The following CC2D2B variants were observed in gnomAD, a reference collection of about 807,000 sequenced individuals.
CC2D2B encodes the protein coiled-coil and C2 domain containing 2B, also known as protein CC2D2B.
A neutral mutation model predicts 161.2 loss-of-function variants in CC2D2B; 128 were observed. The observed-to-expected ratio is 0.79, with a 90% CI of 0.69 to 0.92. CC2D2B has a LOEUF of 0.92. Ranked by LOEUF, CC2D2B falls within the 40% of genes least tolerant of loss-of-function variation. The probability of loss-of-function intolerance (pLI) is 0.00; values close to 1 mark genes in which losing one functional copy is unlikely to be tolerated. For synonymous variants in CC2D2B, 391 were observed against 449.8 expected, an observed-to-expected ratio of 0.87 and a Z score of 1.65; for missense variants, 1,173 against 1,375.1, an observed-to-expected ratio of 0.85 and a Z score of 2.32.
At chr10:95,946,558 AC>A (rs1169339874) in intron 9 of CC2D2B, among the ~76,000 whole-genome samples, 2 of 152,198 alleles carry the variant, frequency 1.3e-5, no homozygotes, top group Admixed American at 1.3e-4. Flanking sequence ...TGGCCAATTT[AC>A]CAACTTATTA....
At chr10:95,937,547 T>G (rs1424515138) in intron 6 of CC2D2B, among the ~76,000 whole-genome samples, 3 of 151,714 alleles carry the variant, frequency 2.0e-5, no homozygotes, top group Non-Finnish European at 4.4e-5. Flanking sequence ...TTTTTTTTCA[T>G]GAATACCTTG....
intron 24 of CC2D2B, among the ~76,000 whole-genome samples, chr10:96,003,900 G>A (rs1237405580): frequency 6.6e-6 from 1 of 152,196 alleles, no homozygotes; most frequent in African/African-American, 2.4e-5. Context: ...ATTGATAGCT[G>A]TAGTGAAAGC....
At chr10:96,001,339 G>A (rs1312103870) in intron 24 of CC2D2B, among the ~76,000 whole-genome samples, 1 of 151,858 alleles carries the variant, frequency 6.6e-6, no homozygotes, top group Non-Finnish European at 1.5e-5. Flanking sequence ...GGATTGTCGT[G>A]GATTAGCCAT....
In CC2D2B at chr10:95,974,084, T is replaced by C; in HGVS notation, c.1871T>C (p.Leu624Pro). 8.1e-7 allele frequency: 1 copy of C among 1,227,150 alleles called. No homozygotes were observed. The highest frequency in any genetic ancestry group is 1.0e-6 in the Non-Finnish European group (1 of 983,408). The allele number at this position is 1,227,150 out of a possible 1,614,324, so 76.0% of individuals were successfully genotyped here. A position where few individuals can be genotyped will look rare whatever the true frequency, so the allele number is the denominator to read the frequency against. The change falls in exon 17 of 35, where the codon CTA becomes CCA. Residue 624 changes from leucine to proline, a missense_variant. Leu to Pro is a moderately conservative substitution (Grantham distance 98, BLOSUM62 -3). Transcript: ENST00000646931. Reference protein sequence around the residue: ...LLTSGKLSYSLSWSLDENGLP... With the variant: ...LLTSGKLSYSPSWSLDENGLP... ...ACATCAGGAAAACTTAGCTATTCTC[T>C]ATCATGGAGCTTAGATGAAAATGGT...
At chr10:95,989,361 G>C (rs549374838) in intron 20 of CC2D2B, among the ~76,000 whole-genome samples, 1 of 152,120 alleles carries the variant, frequency 6.6e-6, no homozygotes, top group Non-Finnish European at 1.5e-5. Flanking sequence ...CTTCTAGTTC[G>C]TACACCATGA....
intron 32 of CC2D2B, among the ~76,000 whole-genome samples, chr10:96,024,333 TAATC>T (rs1161995751): frequency 1.3e-5 from 2 of 152,148 alleles, no homozygotes; most frequent in Admixed American, 6.5e-5. Context: ...AAGAAACAAA[TAATC>T]AAAGAAGGAA....
chr10:95,947,632 C>T lies in CC2D2B; in HGVS notation c.802-2264C>T, dbSNP rs866995573. ...TGGCATGCACCTGTAGTCCCAGCTA[C>T]TTGGGAGGCTGAGGCAGGAGCATCG... On this transcript the variant is annotated intron_variant, in intron 9 of 34. Transcript: ENST00000646931. Among the ~76,000 whole-genome samples, 52 of 152,024 alleles carry T rather than the reference C, an allele frequency of 3.4e-4. No homozygotes were observed. In the Middle Eastern group the frequency reaches 0.017, roughly 50 times the overall value.
chr10:95,978,110 C>T (rs1335397029), intron 17 of CC2D2B, among the ~76,000 whole-genome samples: 1 of 152,068 alleles, frequency 6.6e-6, no homozygotes, highest in Non-Finnish European at 1.5e-5. Flanking sequence ...AAGGAAGAAA[C>T]TGCCATTTGA....
intron 34 of CC2D2B, among the ~76,000 whole-genome samples, chr10:96,028,491 T>A (rs917302734): frequency 6.6e-6 from 1 of 152,194 alleles, no homozygotes; most frequent in Admixed American, 6.5e-5. Flanking sequence ...CTGGAGAGGA[T>A]GTGGAGAAAA....
chr10:96,029,306 G>C (rs1224071746), intron 34 of CC2D2B, among the ~76,000 whole-genome samples: 31 of 91,258 alleles, frequency 3.4e-4, no homozygotes, highest in Admixed American at 6.3e-4. Flanking sequence ...ATATATATAT[G>C]TATATCTATA....
chr10:95,982,222 G>T (rs547326311), intron 18 of CC2D2B, 109 bp downstream of exon 18: 2 of 740,552 alleles, frequency 2.7e-6, no homozygotes, highest in Non-Finnish European at 3.7e-6. Flanking sequence ...AGGCTCTTGG[G>T]GTTATGTAAA....
intron 9 of CC2D2B, among the ~76,000 whole-genome samples, chr10:95,946,845 T>C (rs958212731): frequency 1.3e-5 from 2 of 151,766 alleles, no homozygotes; most frequent in Non-Finnish European, 2.9e-5. Context: ...GTAATAGCAA[T>C]GGCACAGACT....
intron 15 of CC2D2B, among the ~76,000 whole-genome samples, chr10:95,969,435 A>G (rs1220569364): frequency 6.6e-6 from 1 of 152,156 alleles, no homozygotes; most frequent in African/African-American, 2.4e-5. Context: ...AGGATGATGG[A>G]GAAAAATGAG....
chr10:95,945,771 G>A (rs1590504322), intron 9 of CC2D2B, among the ~76,000 whole-genome samples: 1 of 131,700 alleles, frequency 7.6e-6, no homozygotes, highest in Admixed American at 8.0e-5. Context: ...TCATTCTAAT[G>A]TTGGACTTTT....
At chr10:95,950,821 C>CT (rs930813219) in intron 10 of CC2D2B, among the ~76,000 whole-genome samples, 81 of 149,252 alleles carry the variant, frequency 5.4e-4, no homozygotes, top group African/African-American at 8.6e-4. Context: ...TAAATATCTG[C>CT]TTTTTTTTTT....
chr10:96,004,360 C>T (rs2078657583), intron 25 of CC2D2B, 112 bp downstream of exon 25: 9 of 602,848 alleles, frequency 1.5e-5, no homozygotes, highest in African/African-American at 3.9e-5. Flanking sequence ...CTACATCCAA[C>T]ATTTTCTTGA....
At chr10:96,014,704 A>C (rs117920573) in intron 29 of CC2D2B, among the ~76,000 whole-genome samples, 1 of 152,312 alleles carries the variant, frequency 6.6e-6, no homozygotes, top group East Asian at 1.9e-4. Flanking sequence ...AGTAACATGC[A>C]AAGCATCTGG....
chr10:95,917,553 T>C (rs1368426310), intron 2 of CC2D2B, among the ~76,000 whole-genome samples: 5 of 152,198 alleles, frequency 3.3e-5, no homozygotes, highest in Non-Finnish European at 7.3e-5. Flanking sequence ...ATTTTTTGTG[T>C]ATCTGTGGTA....
rs186331017 is a variant in CC2D2B at position 95,940,435 on chromosome 10, G to A, written c.801+1510G>A. Reference sequence around the variant, plus strand: ...ACCATTTTCTTTTTCTTTAGGGTTAGCACCTTTTATAGCCTGTTTAAGAAA... The same window carrying A: ...ACCATTTTCTTTTTCTTTAGGGTTAACACCTTTTATAGCCTGTTTAAGAAA... On this transcript the variant is annotated intron_variant, in intron 9 of 34. Coordinates refer to ENST00000646931, the MANE Select transcript of CC2D2B (RefSeq NM_001349008.3). Among the ~76,000 whole-genome samples the A allele has an allele frequency of 3.9e-5, 6 of 152,154 alleles. No individual in the cohort carries two copies. In the East Asian group the frequency reaches 1.2e-3, roughly 29 times the overall value.
Sources: allele counts gnomAD v4.1 joint callset (sites outside exome capture counted in the v4.1 genomes callset), GRCh38; gene constraint gnomAD v4.1.1; transcripts MANE v1.5; gene names NCBI Gene and HGNC (gene_info 2026-07-23, HGNC 2026-07-21).